The following REEP3 variants were observed in gnomAD, a reference collection of about 807,000 sequenced individuals.
REEP3 encodes the protein receptor accessory protein 3, also known as receptor expression-enhancing protein 3.
A neutral mutation model predicts 41.3 loss-of-function variants in REEP3; 20 were observed. That is an observed-to-expected ratio of 0.48 (90% CI 0.34 to 0.70). The LOEUF (loss-of-function observed/expected upper bound fraction) is 0.70. Among genes scored for constraint, REEP3 ranks in the 30% least tolerant of loss-of-function variants. REEP3 has a pLI of 0.01. For missense variants in REEP3, 271 were observed against 308.8 expected, an observed-to-expected ratio of 0.88 and a Z score of 0.92; for synonymous variants, 104 against 101.8, an observed-to-expected ratio of 1.02 and a Z score of -0.13.
chr10:63,533,843 G>A (rs1955449514), intron 1 of REEP3, among the ~76,000 whole-genome samples: 1 of 151,378 alleles, frequency 6.6e-6, no homozygotes, highest in East Asian at 2.0e-4. Flanking sequence ...AGGTAGATGG[G>A]GTTACAGGCG....
chr10:63,559,180 G>C (rs993065357), intron 1 of REEP3, among the ~76,000 whole-genome samples: 1 of 152,026 alleles, frequency 6.6e-6, no homozygotes, highest in Non-Finnish European at 1.5e-5. Flanking sequence ...TCATATTAGA[G>C]AGGGAATTTG....
In REEP3 at chr10:63,568,710, C is replaced by T. The variant is rs533896054; in HGVS notation, c.105+2300C>T. 6.6e-5 allele frequency among the ~76,000 whole-genome samples: 9 copies of T among 135,632 alleles called. No individual in the cohort carries two copies. In the South Asian group the frequency reaches 2.1e-3, roughly 31 times the overall value. The allele number at this position is 135,632 out of a possible 152,430, so 89.0% of individuals were successfully genotyped here. The stretch of plus-strand genomic sequence containing the variant: ...TGCTGTTATCACCCAAGCTGGAGTG[C>T]AGTGGCACCATCATAGTTCACTGTA... On this transcript the variant is annotated intron_variant, in intron 2 of 7. Coordinates refer to ENST00000373758, the MANE Select transcript of REEP3 (RefSeq NM_001001330.3).
intron 1 of REEP3, among the ~76,000 whole-genome samples, chr10:63,554,768 C>A (rs965183085): frequency 1.3e-5 from 2 of 152,180 alleles, no homozygotes; most frequent in Non-Finnish European, 2.9e-5. Context: ...CTTCTTTCAG[C>A]CCTATGAGCC....
At chr10:63,602,582 A>G (rs558954178) in intron 5 of REEP3, among the ~76,000 whole-genome samples, 73 of 152,380 alleles carry the variant, frequency 4.8e-4, no homozygotes, top group African/African-American at 1.7e-3. Flanking sequence ...ACAAAGAAGC[A>G]TACAAATCCC....
At chr10:63,604,659 A>G (rs77160272) in intron 5 of REEP3, among the ~76,000 whole-genome samples, 2 of 152,186 alleles carry the variant, frequency 1.3e-5, no homozygotes, top group African/African-American at 2.4e-5. Context: ...TTAAAAAAAA[A>G]GGGAAGAATG....
intron 2 of REEP3, among the ~76,000 whole-genome samples, chr10:63,574,211 A>G (rs1028067357): frequency 6.6e-6 from 1 of 152,216 alleles, no homozygotes; most frequent in Non-Finnish European, 1.5e-5. Context: ...TCCTTCTACG[A>G]AAGATGATTT....
intron 6 of REEP3, among the ~76,000 whole-genome samples, chr10:63,616,732 T>C (rs1347747588): frequency 6.6e-6 from 1 of 152,204 alleles, no homozygotes; most frequent in Non-Finnish European, 1.5e-5. Flanking sequence ...TTTCTGACTT[T>C]TTCCTTGATT....
chr10:63,589,265 T>G (rs374715203), intron 2 of REEP3, among the ~76,000 whole-genome samples: 42 of 152,128 alleles, frequency 2.8e-4, no homozygotes, highest in African/African-American at 9.9e-4. Context: ...GAAAAATGAT[T>G]TCTATTCTGG....
At chr10:63,606,300 T>TTC (rs1215399054) in intron 5 of REEP3, among the ~76,000 whole-genome samples, 3 of 151,918 alleles carry the variant, frequency 2.0e-5, no homozygotes, top group East Asian at 1.9e-4. Context: ...CTTTCTTTCT[T>TTC]TCTCTCTCTC....
rs1430868848 is a variant in REEP3 at position 63,623,729 on chromosome 10, T to C, written c.*2860T>C. ...AAGCCCACCTAGGTCCTGCATAAGA[T>C]CCCCCTCACATACTTCACAATATAT... On this transcript the variant is annotated 3_prime_UTR_variant, in exon 8 of 8. Transcript: ENST00000373758. The C allele has an allele frequency of 6.6e-6, 1 of 151,314 alleles. No homozygotes were observed. The highest frequency in any genetic ancestry group is 1.9e-4 in the East Asian group (1 of 5,142). 9.4% of individuals were successfully genotyped at this position (151,314 alleles called of 1,614,324 possible).
intron 1 of REEP3, among the ~76,000 whole-genome samples, chr10:63,563,381 C>A (rs1955762150): frequency 6.6e-6 from 1 of 152,162 alleles, no homozygotes; most frequent in South Asian, 2.1e-4. Flanking sequence ...TACTGTTCTC[C>A]AATAAAAGGA....
rs191967207 is a variant in REEP3, at chr10:63,573,091, C to T, written c.105+6681C>T. On this transcript the variant is annotated intron_variant, in intron 2 of 7. Coordinates refer to ENST00000373758, the MANE Select transcript of REEP3 (RefSeq NM_001001330.3). ...ACATTTTCGGTTAATTTACTTCTTCCCACCCCCAACTACTACCATTCCCCT... is the reference window on the plus strand; with the variant it reads ...ACATTTTCGGTTAATTTACTTCTTCTCACCCCCAACTACTACCATTCCCCT... 3.2e-4 allele frequency among the ~76,000 whole-genome samples: 49 copies of T among 152,276 alleles called. No homozygotes were observed. The East Asian group carries it at 9.4e-3, about 29-fold the overall frequency.
At chr10:63,605,350 T>A (rs1956214257) in intron 5 of REEP3, among the ~76,000 whole-genome samples, 1 of 152,178 alleles carries the variant, frequency 6.6e-6, no homozygotes, top group Non-Finnish European at 1.5e-5. Context: ...TTGTTAAATG[T>A]GCATGGGGAA....
chr10:63,557,235 G>C (rs1325075657), intron 1 of REEP3, among the ~76,000 whole-genome samples: 1 of 152,128 alleles, frequency 6.6e-6, no homozygotes, highest in Non-Finnish European at 1.5e-5. Context: ...TGTGGAGCTG[G>C]AAAGAAATGC....
intron 5 of REEP3, among the ~76,000 whole-genome samples, chr10:63,606,582 A>G (rs1956231327): frequency 6.6e-6 from 1 of 152,108 alleles, no homozygotes; most frequent in African/African-American, 2.4e-5. Flanking sequence ...TTTTGTCTTA[A>G]TATTATATAA....
chr10:63,580,575 T>C (rs546210214), intron 2 of REEP3, among the ~76,000 whole-genome samples: 1 of 152,228 alleles, frequency 6.6e-6, no homozygotes, highest in South Asian at 2.1e-4. Context: ...AGGAGTTTCT[T>C]TGAATAAGTT....
chr10:63,532,830 A>G (rs766035566), intron 1 of REEP3, among the ~76,000 whole-genome samples: 143 of 152,094 alleles, frequency 9.4e-4, no homozygotes, highest in Non-Finnish European at 1.5e-3. Context: ...CCTTGAGCCC[A>G]GGAGGTAAAG....
intron 5 of REEP3, among the ~76,000 whole-genome samples, chr10:63,609,305 AG>A (rs1222681526): frequency 6.6e-6 from 1 of 151,990 alleles, no homozygotes; most frequent in Non-Finnish European, 1.5e-5. Context: ...ACAAAAAATT[AG>A]CCAGGCGTGG....
chr10:63,524,857 A>G (rs1245989640), intron 1 of REEP3, among the ~76,000 whole-genome samples: 1 of 152,020 alleles, frequency 6.6e-6, no homozygotes, highest in Non-Finnish European at 1.5e-5. Context: ...ACCGTTGTAA[A>G]GAAAATTAGC....
Sources: gnomAD v4.1 joint callset for allele counts (sites outside exome capture counted in the v4.1 genomes callset) on GRCh38, gnomAD v4.1.1 for gene constraint, MANE v1.5 for transcripts, NCBI Gene and HGNC (gene_info 2026-07-23, HGNC 2026-07-21) for gene names.